The following ARMC9 variants were observed in gnomAD, a reference collection of about 807,000 sequenced individuals.
ARMC9 encodes the protein lisH domain-containing protein ARMC9.
A neutral mutation model predicts 107.0 loss-of-function variants in ARMC9; 94 were observed. The ratio of observed to expected loss-of-function variants is 0.88; its 90% CI spans 0.74 to 1.04. The LOEUF (loss-of-function observed/expected upper bound fraction) is 1.04. ARMC9 is among the 50% of genes least tolerant of loss of function. The pLI, the probability that ARMC9 is intolerant of heterozygous loss-of-function variation, is 0.00. For missense variants in ARMC9, 942 were observed against 1,030.1 expected, an observed-to-expected ratio of 0.91 and a Z score of 1.17; for synonymous variants, 380 against 396.9, an observed-to-expected ratio of 0.96 and a Z score of 0.51.
At chr2:231,231,285 C>A (rs752533722) in intron 7 of ARMC9, among the ~76,000 whole-genome samples, 1 of 152,126 alleles carries the variant, frequency 6.6e-6, no homozygotes, top group Admixed American at 6.5e-5. Flanking sequence ...CCAATACTTA[C>A]GACTGCAATA....
chr2:231,221,336 A>G lies in ARMC9; in HGVS notation c.505-1392A>G, dbSNP rs140895262. On this transcript the variant is annotated intron_variant, in intron 5 of 24. Coordinates refer to ENST00000611582, the MANE Select transcript of ARMC9 (RefSeq NM_001352754.2). ...TAAGGTCATATTGGATTAAGGACAC[A>G]CCCTACTCCAGTGTGACCTTATCTT... 5.3e-3 allele frequency among the ~76,000 whole-genome samples: 811 copies of G among 152,172 alleles called. 12 individuals are homozygous for G. The highest frequency in any genetic ancestry group is 0.019 in the African/African-American group (779 of 41,508).
intron 20 of ARMC9, among the ~76,000 whole-genome samples, chr2:231,341,640 T>TGATAGATAGATAGACA (rs1553633324): frequency 7.1e-6 from 1 of 140,052 alleles, no homozygotes; most frequent in Non-Finnish European, 1.5e-5. Context: ...GATAGATAGA[T>TGATAGATAGATAGACA]GATAGATAGA....
chr2:231,302,446 T>G lies in ARMC9; in HGVS notation c.1773+6193T>G, dbSNP rs953427498. ...GTAGCATTGTGGGTTTGTTTTTTTTTTTTTTTTTTTTTTTTTGCCAATCTC... is the reference window on the plus strand; with the variant it reads ...GTAGCATTGTGGGTTTGTTTTTTTTGTTTTTTTTTTTTTTTTGCCAATCTC... On this transcript the variant is annotated intron_variant, in intron 19 of 24. Transcript: ENST00000611582. Among the ~76,000 whole-genome samples the G allele has an allele frequency of 1.5e-4, 22 of 143,278 alleles. 1 individual carries two copies. The highest frequency in any genetic ancestry group is 2.8e-4 in the Admixed American group (4 of 14,394). The allele number at this position is 143,278 out of a possible 152,430, so 94.0% of individuals were successfully genotyped here.
At chr2:231,205,879 G>A (rs369327283) in intron 1 of ARMC9, among the ~76,000 whole-genome samples, 1 of 152,148 alleles carries the variant, frequency 6.6e-6, no homozygotes, top group African/African-American at 2.4e-5. Context: ...GCCTGCAGTG[G>A]CTGTTGAGTC....
intron 19 of ARMC9, 32 bp from the exon 20 acceptor site, chr2:231,331,761 C>T: frequency 6.3e-7 from 1 of 1,582,902 alleles, no homozygotes; most frequent in Non-Finnish European, 8.7e-7. Flanking sequence ...GTCAGGGTGT[C>T]CATGGCATTC....
chr2:231,359,261 A>G (rs1177779166), intron 22 of ARMC9, among the ~76,000 whole-genome samples: 1 of 151,614 alleles, frequency 6.6e-6, no homozygotes, highest in African/African-American at 2.4e-5. Context: ...TAATTTTTGT[A>G]TTTTTAGTAG....
intron 3 of ARMC9, among the ~76,000 whole-genome samples, chr2:231,212,526 G>A (rs1323451369): frequency 1.3e-5 from 2 of 151,688 alleles, no homozygotes; most frequent in South Asian, 2.1e-4. Context: ...AAGAGTCTGC[G>A]CTCACCTCAT....
chr2:231,237,775 ATATATATTTTTTTTTTTTTTTT>A (rs1394184765), intron 8 of ARMC9, among the ~76,000 whole-genome samples: 1 of 40,790 alleles, frequency 2.5e-5, no homozygotes, highest in African/African-American at 7.9e-5. Context: ...ATATATATAT[ATATATATTTTTTTTTTTTTTTT>A]TTTTTTTTTT....
At chr2:231,317,629 A>G (rs1331090408) in intron 19 of ARMC9, among the ~76,000 whole-genome samples, 1 of 151,922 alleles carries the variant, frequency 6.6e-6, no homozygotes, top group Admixed American at 6.6e-5. Flanking sequence ...AGTTGCACAC[A>G]TGTTAGAATG....
chr2:231,226,906 G>A, intron 7 of ARMC9, 108 bp downstream of exon 7: 2 of 1,328,886 alleles, frequency 1.5e-6, no homozygotes, highest in Admixed American at 1.9e-5. Flanking sequence ...GGCTTTAAGA[G>A]TCTAAATATT....
At chr2:231,248,806 C>CAA (rs35234269) in intron 9 of ARMC9, among the ~76,000 whole-genome samples, 54 of 37,992 alleles carry the variant, frequency 1.4e-3, no homozygotes, top group African/African-American at 2.8e-3. Flanking sequence ...GGTTCTGTCT[C>CAA]AAAAAAAAAA....
rs148381085 is a variant in ARMC9 at position 231,282,351 on chromosome 2, A to C, written c.1626+218A>C. Among the ~76,000 whole-genome samples the C allele has an allele frequency of 1.6e-4, 24 of 152,348 alleles. No individual in the cohort carries two copies. The East Asian group carries it at 4.6e-3, about 29-fold the overall frequency. ...GATCCCTAACTCCTAAATGGTTAAA[A>C]ATTAAAGTGTTAGAAAGTTCCCAGC... On this transcript the variant is annotated intron_variant, in intron 17 of 24. Coordinates refer to ENST00000611582, the MANE Select transcript of ARMC9 (RefSeq NM_001352754.2).
At chr2:231,350,280 C>T (rs986704425) in intron 21 of ARMC9, among the ~76,000 whole-genome samples, 10 of 152,062 alleles carry the variant, frequency 6.6e-5, no homozygotes, top group Non-Finnish European at 1.0e-4. Flanking sequence ...CCTGCCTCAG[C>T]CTCCCAAAAT....
intron 15 of ARMC9, among the ~76,000 whole-genome samples, chr2:231,277,713 C>A (rs61358975): frequency 0.043 from 6,577 of 151,922 alleles, 178 homozygotes; most frequent in Middle Eastern, 0.13. Flanking sequence ...CAGGTGCCCA[C>A]CACCACACCT....
chr2:231,219,302 A>G (rs892954473), intron 5 of ARMC9, among the ~76,000 whole-genome samples: 2 of 152,202 alleles, frequency 1.3e-5, no homozygotes, highest in Admixed American at 6.5e-5. Flanking sequence ...CATCTGGGAT[A>G]GTCGTCTCCT....
chr2:231,316,728 T>C (rs921101409), intron 19 of ARMC9, among the ~76,000 whole-genome samples: 1 of 152,174 alleles, frequency 6.6e-6, no homozygotes, highest in African/African-American at 2.4e-5. Flanking sequence ...CCCAGCACTT[T>C]TAATAGGTCA....
At chr2:231,230,529 T>A (rs1421105426) in intron 7 of ARMC9, among the ~76,000 whole-genome samples, 3 of 152,206 alleles carry the variant, frequency 2.0e-5, no homozygotes, top group Admixed American at 2.0e-4. Flanking sequence ...CAGGTCTTGT[T>A]TGTAGCTAGT....
At chr2:231,245,068 G>C (rs770133884) in intron 9 of ARMC9, among the ~76,000 whole-genome samples, 1 of 152,194 alleles carries the variant, frequency 6.6e-6, no homozygotes, top group Non-Finnish European at 1.5e-5. Flanking sequence ...GCTGGCACAG[G>C]TGTCTAGGCA....
At chr2:231,270,529 T>C (rs939053225) in intron 12 of ARMC9, 2 of 439,530 alleles carry the variant, frequency 4.6e-6, no homozygotes, top group Non-Finnish European at 9.5e-6. Context: ...CTTGCCATGC[T>C]GCAGTCCCAC....
Sources: allele counts gnomAD v4.1 joint callset (sites outside exome capture counted in the v4.1 genomes callset), GRCh38; gene constraint gnomAD v4.1.1; transcripts MANE v1.5; gene names NCBI Gene and HGNC (gene_info 2026-07-23, HGNC 2026-07-21).